The following RUNDC3B variants were observed in gnomAD, a reference collection of about 807,000 sequenced individuals.
The protein encoded by RUNDC3B is RUN domain-containing protein 3B.
Under a neutral mutation model 58.4 loss-of-function variants are expected in RUNDC3B, and 33 were observed. That is an observed-to-expected ratio of 0.56 (90% CI 0.43 to 0.75). RUNDC3B has a LOEUF of 0.75. Among genes scored for constraint, RUNDC3B ranks in the 30% least tolerant of loss-of-function variants. The pLI, the probability that RUNDC3B is intolerant of heterozygous loss-of-function variation, is 0.00. For missense variants in RUNDC3B, 501 were observed against 535.7 expected (o/e 0.94, Z 0.64); for synonymous variants, 193 against 195.2 (o/e 0.99, Z 0.10).
At chr7:87,777,651 CAA>C (rs1019931516) in intron 7 of RUNDC3B, 145 bp from the exon 8 acceptor site, 14 of 577,084 alleles carry the variant, frequency 2.4e-5, no homozygotes, top group Non-Finnish European at 4.1e-5. Context: ...TCAATTAAGA[CAA>C]ATTTTTTACT....
chr7:87,803,277 A>G (rs1836267969), intron 8 of RUNDC3B, among the ~76,000 whole-genome samples: 1 of 152,194 alleles, frequency 6.6e-6, no homozygotes, highest in Admixed American at 6.5e-5. Flanking sequence ...TTTGTTTCTA[A>G]CAATTTTGCA....
intron 4 of RUNDC3B, among the ~76,000 whole-genome samples, chr7:87,716,645 C>T (rs1484311501): frequency 2.0e-5 from 3 of 152,200 alleles, no homozygotes; most frequent in African/African-American, 7.2e-5. Flanking sequence ...AACTAAGTTT[C>T]TAACACAAAG....
At chr7:87,636,946 G>A (rs1405476700) in intron 1 of RUNDC3B, among the ~76,000 whole-genome samples, 1 of 152,172 alleles carries the variant, frequency 6.6e-6, no homozygotes, top group Non-Finnish European at 1.5e-5. Context: ...AAGTAAACAT[G>A]TCCTTCTTCA....
At chr7:87,670,575 G>A (rs1326454261) in intron 2 of RUNDC3B, among the ~76,000 whole-genome samples, 1 of 152,198 alleles carries the variant, frequency 6.6e-6, no homozygotes. Context: ...TGGAGCTCTT[G>A]CATTGGTTCT....
rs566188195 is a variant in RUNDC3B, at chr7:87,741,222, AAAAC to A, written c.549-269_549-266del. Among the ~76,000 whole-genome samples the A allele has an allele frequency of 5.0e-3, 762 of 152,110 alleles. 7 individuals carry two copies. The highest frequency in any genetic ancestry group is 0.017 in the African/African-American group (719 of 41,522). The stretch of plus-strand genomic sequence containing the variant: ...TCCCTCTCAAAAAAAAAGAAAAAAA[AAAAC>A]AAACAAAAAAACTGGGATTAAGAAT... On this transcript the variant is annotated intron_variant, in intron 5 of 10. Transcript: ENST00000394654.
intron 1 of RUNDC3B, among the ~76,000 whole-genome samples, chr7:87,649,265 C>G (rs1220263026): frequency 1.3e-5 from 2 of 152,066 alleles, no homozygotes; most frequent in Non-Finnish European, 2.9e-5. Flanking sequence ...CATGATAGGA[C>G]GTTTAAACAT....
At chr7:87,797,777 C>T (rs1835894149) in intron 8 of RUNDC3B, among the ~76,000 whole-genome samples, 1 of 152,106 alleles carries the variant, frequency 6.6e-6, no homozygotes, top group African/African-American at 2.4e-5. Context: ...TTTCTAATGA[C>T]ATGATGATTT....
intron 2 of RUNDC3B, among the ~76,000 whole-genome samples, chr7:87,689,923 A>G (rs1211024279): frequency 6.6e-6 from 1 of 152,202 alleles, no homozygotes; most frequent in African/African-American, 2.4e-5. Flanking sequence ...CCAAATGTTT[A>G]TGTGTGTTTG....
chr7:87,772,266 A>G (rs919441877), intron 7 of RUNDC3B, among the ~76,000 whole-genome samples: 1 of 152,168 alleles, frequency 6.6e-6, no homozygotes. Flanking sequence ...AATTTCTGAA[A>G]TTTAACAATC....
At chr7:87,813,135 A>G (rs1052014742) in intron 9 of RUNDC3B, among the ~76,000 whole-genome samples, 2 of 152,258 alleles carry the variant, frequency 1.3e-5, no homozygotes, top group African/African-American at 2.4e-5. Context: ...TTGCTTCAGA[A>G]CATCATCTAC....
intron 9 of RUNDC3B, among the ~76,000 whole-genome samples, chr7:87,810,224 G>C (rs1433924933): frequency 3.9e-5 from 6 of 152,180 alleles, no homozygotes; most frequent in Non-Finnish European, 8.8e-5. Context: ...AAGGATTCAT[G>C]AATCAGGCAA....
At chr7:87,764,590 G>A (rs1366571335) in intron 6 of RUNDC3B, among the ~76,000 whole-genome samples, 2 of 151,664 alleles carry the variant, frequency 1.3e-5, no homozygotes, top group Non-Finnish European at 3.0e-5. Context: ...AGTCCCTAGT[G>A]TTTATTATTT....
intron 4 of RUNDC3B, among the ~76,000 whole-genome samples, chr7:87,733,543 A>C (rs903692575): frequency 1.3e-5 from 2 of 152,230 alleles, no homozygotes; most frequent in Admixed American, 1.3e-4. Context: ...GACAATTTTT[A>C]CAGATCATAA....
At chr7:87,715,300 A>C (rs1406894208) in intron 4 of RUNDC3B, among the ~76,000 whole-genome samples, 1 of 132,386 alleles carries the variant, frequency 7.6e-6, no homozygotes, top group Non-Finnish European at 1.6e-5. Context: ...ATTTATAATA[A>C]TTATATATAA....
At chr7:87,759,735 C>T in intron 6 of RUNDC3B, among the ~76,000 whole-genome samples, 1 of 150,928 alleles carries the variant, frequency 6.6e-6, no homozygotes, top group African/African-American at 2.4e-5. Flanking sequence ...GAGTTTGAGG[C>T]ATGAGCTGTG....
intron 4 of RUNDC3B, among the ~76,000 whole-genome samples, chr7:87,727,577 C>A (rs1831311796): frequency 6.8e-6 from 1 of 146,994 alleles, no homozygotes; most frequent in Admixed American, 6.7e-5. Context: ...ATGCATCTGT[C>A]ATTAGCTACA....
chr7:87,739,533 A>G (rs1832187893), intron 4 of RUNDC3B, among the ~76,000 whole-genome samples: 1 of 151,976 alleles, frequency 6.6e-6, no homozygotes, highest in African/African-American at 2.4e-5. Flanking sequence ...GTTTCTTTTT[A>G]GGAGAGCTGG....
At chr7:87,820,065 C>CA (rs1483194102) in intron 10 of RUNDC3B, among the ~76,000 whole-genome samples, 2 of 152,006 alleles carry the variant, frequency 1.3e-5, no homozygotes, top group Non-Finnish European at 2.9e-5. Context: ...AATAGAGACA[C>CA]AAAAAACCCT....
Position 87,782,534 on chromosome 7 carries a change from T to C in RUNDC3B, c.956+4579T>C, listed in dbSNP as rs377075752. 2.1e-4 allele frequency among the ~76,000 whole-genome samples: 32 copies of C among 152,244 alleles called. No individual in the cohort carries two copies. In the East Asian group the frequency reaches 3.5e-3, roughly 17 times the overall value. Reference sequence around the variant, plus strand: ...AGCTCTGGGGTTAATTTATTTTTGTTATTTTAGTTCCTCTAGGTGCGACGT... The same window carrying C: ...AGCTCTGGGGTTAATTTATTTTTGTCATTTTAGTTCCTCTAGGTGCGACGT... On this transcript the variant is annotated intron_variant, in intron 8 of 10. Transcript: ENST00000394654.
Sources: allele counts gnomAD v4.1 joint callset (sites outside exome capture counted in the v4.1 genomes callset), GRCh38; gene constraint gnomAD v4.1.1; transcripts MANE v1.5; gene names NCBI Gene and HGNC (gene_info 2026-07-23, HGNC 2026-07-21).